The following CPA6 variants were observed in gnomAD, a reference collection of about 807,000 sequenced individuals.
The protein encoded by CPA6 is carboxypeptidase B.
In CPA6, 58 loss-of-function variants were observed where a neutral mutation model predicts 63.3. The observed-to-expected ratio is 0.92, with a 90% confidence interval of 0.74 to 1.14. The LOEUF (loss-of-function observed/expected upper bound fraction) is 1.14. CPA6 is among the 50% of genes most tolerant of loss of function. The probability of loss-of-function intolerance (pLI) is 0.00; values close to 1 mark genes in which losing one functional copy is unlikely to be tolerated. For missense variants in CPA6, 565 were observed against 526.6 expected (o/e 1.07, Z -0.71); for synonymous variants, 185 against 179.0 (o/e 1.03, Z -0.27).
chr8:67,495,875 T>C (rs1259734172), intron 6 of CPA6, among the ~76,000 whole-genome samples: 6 of 152,080 alleles, frequency 3.9e-5, no homozygotes, highest in African/African-American at 7.2e-5. Flanking sequence ...TTTTACTTCA[T>C]TGGACCAAAC....
intron 2 of CPA6, among the ~76,000 whole-genome samples, chr8:67,615,369 T>C (rs988374088): frequency 6.6e-6 from 1 of 152,220 alleles, no homozygotes; most frequent in African/African-American, 2.4e-5. Flanking sequence ...AAAGGAACTT[T>C]GTCTATTCCT....
intron 2 of CPA6, among the ~76,000 whole-genome samples, chr8:67,532,050 C>G (rs1040400629): frequency 6.6e-6 from 1 of 151,270 alleles, no homozygotes; most frequent in Non-Finnish European, 1.5e-5. Flanking sequence ...AGGGTAAATA[C>G]GAAAACTTGA....
At chr8:67,669,349 T>C (rs529836744) in intron 1 of CPA6, among the ~76,000 whole-genome samples, 1 of 152,290 alleles carries the variant, frequency 6.6e-6, no homozygotes, top group African/African-American at 2.4e-5. Flanking sequence ...TTCAAAAGTT[T>C]CTTTCCCTGT....
At chr8:67,506,096 A>T (rs1361182022) in intron 6 of CPA6, among the ~76,000 whole-genome samples, 1 of 152,114 alleles carries the variant, frequency 6.6e-6, no homozygotes, top group East Asian at 1.9e-4. Context: ...CATTCTTGAC[A>T]ATGAATAGAA....
At chr8:67,477,130 A>G (rs996665162) in intron 8 of CPA6, among the ~76,000 whole-genome samples, 1 of 151,886 alleles carries the variant, frequency 6.6e-6, no homozygotes, top group African/African-American at 2.4e-5. Context: ...CTCTACTAAA[A>G]ATACAAAAAA....
At chr8:67,604,064 G>A (rs1814564351) in intron 2 of CPA6, among the ~76,000 whole-genome samples, 1 of 152,214 alleles carries the variant, frequency 6.6e-6, no homozygotes, top group Admixed American at 6.5e-5. Flanking sequence ...ATGTCAGCTG[G>A]TGATGGAGGT....
chr8:67,663,743 T>C lies in CPA6; in HGVS notation c.117-39492A>G, dbSNP rs113745571. On this transcript the variant is annotated intron_variant, in intron 1 of 10. Transcript: ENST00000297770. ...GCTGCATAGGATTCCATGGTGTATA[T>C]GTACCACATTTTCTTTGTCCAGTCT... Among the ~76,000 whole-genome samples, 762 of 152,358 alleles carry C rather than the reference T, an allele frequency of 5.0e-3. 7 individuals carry two copies. Among genetic ancestry groups the C allele is most frequent in the African/African-American group, 0.016 (646 of 41,570 alleles).
chr8:67,489,772 G>T (rs757954022), intron 6 of CPA6, among the ~76,000 whole-genome samples: 30 of 152,086 alleles, frequency 2.0e-4, no homozygotes, highest in Admixed American at 5.9e-4. Flanking sequence ...ACTGAGAATT[G>T]TGTTAAAACC....
chr8:67,578,946 C>T (rs1404625275), intron 2 of CPA6, among the ~76,000 whole-genome samples: 4 of 152,236 alleles, frequency 2.6e-5, no homozygotes, highest in Admixed American at 2.6e-4. Context: ...TTCCCTTAAG[C>T]ATTTTATACT....
At chr8:67,485,074 C>G (rs1427186567) in intron 6 of CPA6, among the ~76,000 whole-genome samples, 3 of 152,182 alleles carry the variant, frequency 2.0e-5, no homozygotes, top group Admixed American at 6.5e-5. Flanking sequence ...ATTAAGAAAG[C>G]AGCAACATAG....
chr8:67,615,348 TG>T (rs1391817857), intron 2 of CPA6, among the ~76,000 whole-genome samples: 1 of 152,212 alleles, frequency 6.6e-6, no homozygotes, highest in Non-Finnish European at 1.5e-5. Context: ...GTGCCATCCT[TG>T]CCCCTTGAAA....
chr8:67,484,110 C>T (rs573179882), intron 7 of CPA6, among the ~76,000 whole-genome samples: 2 of 152,132 alleles, frequency 1.3e-5, no homozygotes, highest in South Asian at 4.2e-4. Context: ...CGCTCTATCG[C>T]CCTGGCTGGA....
chr8:67,685,521 G>A (rs1245502550), intron 1 of CPA6, among the ~76,000 whole-genome samples: 1 of 152,146 alleles, frequency 6.6e-6, no homozygotes, highest in Non-Finnish European at 1.5e-5. Context: ...AGGGAGGCTG[G>A]GGCAGGAGAA....
chr8:67,541,301 T>C (rs561904704), intron 2 of CPA6, among the ~76,000 whole-genome samples: 123 of 152,232 alleles, frequency 8.1e-4, no homozygotes, highest in Non-Finnish European at 1.3e-3. Flanking sequence ...ACCCCTCATA[T>C]TGTCTTATGC....
intron 1 of CPA6, among the ~76,000 whole-genome samples, chr8:67,738,587 A>G (rs973203565): frequency 1.8e-4 from 28 of 152,256 alleles, no homozygotes; most frequent in Non-Finnish European, 3.5e-4. Context: ...TATCCTTACT[A>G]ACACTGATAC....
chr8:67,708,590 A>G (rs1166802213), intron 1 of CPA6, among the ~76,000 whole-genome samples: 1 of 152,160 alleles, frequency 6.6e-6, no homozygotes, highest in Non-Finnish European at 1.5e-5. Context: ...GAAGACCCAT[A>G]GACTGCCCAT....
chr8:67,733,697 T>C (rs1022366575), intron 1 of CPA6, among the ~76,000 whole-genome samples: 10 of 151,450 alleles, frequency 6.6e-5, no homozygotes, highest in African/African-American at 2.2e-4. Context: ...AATGGGCACA[T>C]AGTAGGCACT....
intron 2 of CPA6, among the ~76,000 whole-genome samples, chr8:67,619,886 C>T (rs556013324): frequency 2.9e-4 from 44 of 152,288 alleles, no homozygotes; most frequent in African/African-American, 1.0e-3. Context: ...AGGTTTCCTC[C>T]CATCTCCTTG....
At chr8:67,557,446 G>T (rs1011932475) in intron 2 of CPA6, among the ~76,000 whole-genome samples, 1 of 152,198 alleles carries the variant, frequency 6.6e-6, no homozygotes, top group Admixed American at 6.5e-5. Context: ...TTGCTTTGCT[G>T]CTGCCTCTTA....
Sources: allele counts gnomAD v4.1 joint callset (sites outside exome capture counted in the v4.1 genomes callset), GRCh38; gene constraint gnomAD v4.1.1; transcripts MANE v1.5; gene names NCBI Gene and HGNC (gene_info 2026-07-23, HGNC 2026-07-21).